Variants in ZNF704 observed in about 807,000 individuals in gnomAD.
ZNF704 encodes glucocorticoid induced gene 1.
Under a neutral mutation model 44.7 loss-of-function variants are expected in ZNF704, and 10 were observed. The observed-to-expected ratio is 0.22, with a 90% confidence interval of 0.14 to 0.38. The LOEUF (loss-of-function observed/expected upper bound fraction) is 0.38. ZNF704 is among the 10% of genes least tolerant of loss of function. ZNF704 has a pLI of 1.00. For synonymous variants in ZNF704, 211 were observed against 207.6 expected, an observed-to-expected ratio of 1.02 and a Z score of -0.14; for missense variants, 390 against 545.5, an observed-to-expected ratio of 0.71 and a Z score of 2.84.
intron 5 of ZNF704, among the ~76,000 whole-genome samples, chr8:80,670,060 G>C (rs995481763): frequency 6.6e-6 from 1 of 152,096 alleles, no homozygotes; most frequent in East Asian, 1.9e-4. Context: ...CTCTCCACTG[G>C]AAAATAAATG....
intron 2 of ZNF704, among the ~76,000 whole-genome samples, chr8:80,729,431 T>C (rs893149556): frequency 2.6e-5 from 4 of 152,088 alleles, no homozygotes; most frequent in Admixed American, 2.6e-4. Flanking sequence ...AACATATAGT[T>C]CTGAACCTAC....
At chr8:80,811,226 T>A (rs1458291816) in intron 2 of ZNF704, among the ~76,000 whole-genome samples, 2 of 152,144 alleles carry the variant, frequency 1.3e-5, no homozygotes, top group Non-Finnish European at 2.9e-5. Flanking sequence ...AAAAAAAGAA[T>A]GGAAAGTGTC....
At chr8:80,699,760 G>A (rs1043164777) in intron 2 of ZNF704, among the ~76,000 whole-genome samples, 1 of 152,066 alleles carries the variant, frequency 6.6e-6, no homozygotes, top group African/African-American at 2.4e-5. Context: ...ATTAAACTTT[G>A]AAAAGACTCC....
At position 80,638,290 on chromosome 8, in the gene ZNF704, T is replaced by C. The variant is rs915921088; in HGVS notation, c.*3076A>G. On this transcript the variant is annotated 3_prime_UTR_variant, in exon 9 of 9. Transcript: ENST00000327835. Reference sequence around the variant, plus strand: ...GAAAAACCTTTTCTGAAGGCTGGGGTGTCAAAGGATAAAAAAAAAATCAAA... The same window carrying C: ...GAAAAACCTTTTCTGAAGGCTGGGGCGTCAAAGGATAAAAAAAAAATCAAA... 3 of 151,858 alleles carry C rather than the reference T, an allele frequency of 2.0e-5. No homozygotes were observed. Among genetic ancestry groups the C allele is most frequent in the Admixed American group, 6.6e-5 (1 of 15,240 alleles). The allele number at this position is 151,858 out of a possible 1,614,324, so 9.4% of individuals were successfully genotyped here. A position where few individuals can be genotyped will look rare whatever the true frequency, so the allele number is the denominator to read the frequency against.
chr8:80,719,799 A>G lies in ZNF704; in HGVS notation c.222-26692T>C, dbSNP rs188458441. ...TGGCAGAAGCAAGTTACTGAGCACA[A>G]GAGAAATGAGCACACTCCAGGCTGA... On this transcript the variant is annotated intron_variant, in intron 2 of 8. Coordinates refer to ENST00000327835, the MANE Select transcript of ZNF704 (RefSeq NM_001033723.3). Among the ~76,000 whole-genome samples, 6 of 152,350 alleles carry G rather than the reference A, an allele frequency of 3.9e-5. No homozygotes were observed. In the East Asian group the frequency reaches 1.2e-3, roughly 29 times the overall value.
chr8:80,804,337 G>A (rs1405349775), intron 2 of ZNF704, among the ~76,000 whole-genome samples: 1 of 152,002 alleles, frequency 6.6e-6, no homozygotes, highest in African/African-American at 2.4e-5. Context: ...TATACTCAAG[G>A]GAATATAAGT....
intron 2 of ZNF704, among the ~76,000 whole-genome samples, chr8:80,778,610 T>C (rs1475287020): frequency 1.3e-5 from 2 of 151,956 alleles, no homozygotes; most frequent in African/African-American, 4.8e-5. Context: ...TCAACCTAAA[T>C]GCCCACCAAC....
chr8:80,876,049 C>T (rs576381320), upstream of ZNF704, among the ~76,000 whole-genome samples: 105 of 152,320 alleles, frequency 6.9e-4, no homozygotes, highest in African/African-American at 2.5e-3. Flanking sequence ...GAATCCACCC[C>T]TTCCTTTCCA....
intron 1 of ZNF704, among the ~76,000 whole-genome samples, chr8:80,826,866 A>C (rs1400203986): frequency 1.3e-5 from 2 of 152,224 alleles, no homozygotes; most frequent in Non-Finnish European, 2.9e-5. Flanking sequence ...CTTTAACAAA[A>C]TTCAACAACC....
At chr8:80,759,975 T>C (rs962185451) in intron 2 of ZNF704, among the ~76,000 whole-genome samples, 1 of 152,054 alleles carries the variant, frequency 6.6e-6, no homozygotes, top group Non-Finnish European at 1.5e-5. Flanking sequence ...TCAGGCTGTC[T>C]TGAATGCCTG....
intron 2 of ZNF704, among the ~76,000 whole-genome samples, chr8:80,703,663 C>CG (rs941647900): frequency 5.3e-5 from 8 of 152,030 alleles, no homozygotes; most frequent in African/African-American, 1.9e-4. Flanking sequence ...TCTGTAGAGA[C>CG]GGGGTCTCAC....
intron 1 of ZNF704, among the ~76,000 whole-genome samples, chr8:80,823,816 A>G (rs1158649181): frequency 6.6e-6 from 1 of 152,210 alleles, no homozygotes; most frequent in Non-Finnish European, 1.5e-5. Context: ...ACAGGGTCTG[A>G]AGTGGACCTC....
chr8:80,780,447 T>C (rs1327615334), intron 2 of ZNF704, among the ~76,000 whole-genome samples: 3 of 151,754 alleles, frequency 2.0e-5, no homozygotes, highest in African/African-American at 7.3e-5. Context: ...GTGTATTGAG[T>C]TGGATGGTGG....
chr8:80,792,160 C>G (rs1027205332), intron 2 of ZNF704, among the ~76,000 whole-genome samples: 1 of 152,064 alleles, frequency 6.6e-6, no homozygotes, highest in African/African-American at 2.4e-5. Flanking sequence ...GAAAGAGATT[C>G]AAGGTGGTCC....
intron 2 of ZNF704, among the ~76,000 whole-genome samples, chr8:80,732,952 TAA>T (rs59640222): frequency 1.7e-3 from 137 of 78,636 alleles, no homozygotes; most frequent in African/African-American, 4.9e-3. Context: ...AGACCTTGCC[TAA>T]AAAAAAAAAA....
At chr8:80,808,377 C>T (rs1036454467) in intron 2 of ZNF704, among the ~76,000 whole-genome samples, 1 of 152,180 alleles carries the variant, frequency 6.6e-6, no homozygotes, top group African/African-American at 2.4e-5. Flanking sequence ...TGAGGCTTAA[C>T]ACATTGGTGG....
intron 2 of ZNF704, among the ~76,000 whole-genome samples, chr8:80,769,039 T>G (rs1209647124): frequency 2.0e-5 from 3 of 152,160 alleles, no homozygotes; most frequent in Non-Finnish European, 4.4e-5. Flanking sequence ...TCCTAAAATG[T>G]GTGGACCAAC....
chr8:80,674,506 T>C (rs890536102), intron 4 of ZNF704, among the ~76,000 whole-genome samples: 5 of 152,110 alleles, frequency 3.3e-5, no homozygotes, highest in Non-Finnish European at 5.9e-5. Flanking sequence ...GATGCAGGAA[T>C]ATGCCAAGAG....
At chr8:80,786,440 T>C (rs1019934091) in intron 2 of ZNF704, among the ~76,000 whole-genome samples, 1 of 152,182 alleles carries the variant, frequency 6.6e-6, no homozygotes, top group Non-Finnish European at 1.5e-5. Flanking sequence ...ATTCCTCTCT[T>C]TCTTCAAACT....
Sources: allele counts gnomAD v4.1 joint callset (sites outside exome capture counted in the v4.1 genomes callset), GRCh38; gene constraint gnomAD v4.1.1; transcripts MANE v1.5; gene names NCBI Gene and HGNC (gene_info 2026-07-23, HGNC 2026-07-21).